The following PKHD1 variants were observed in gnomAD, a reference collection of about 807,000 sequenced individuals.
The protein encoded by PKHD1 is PKHD1 ciliary IPT domain containing fibrocystin/polyductin.
A neutral mutation model predicts 412.0 loss-of-function variants in PKHD1; 291 were observed. The ratio of observed to expected loss-of-function variants is 0.71; its 90% CI spans 0.64 to 0.78. PKHD1 has a LOEUF of 0.78. PKHD1 is among the 30% of genes least tolerant of loss of function. The pLI, the probability that PKHD1 is intolerant of heterozygous loss-of-function variation, is 0.00. For missense variants in PKHD1, 4,825 were observed against 4,950.7 expected (o/e 0.97, Z 0.76); for synonymous variants, 1,777 against 1,821.5 (o/e 0.98, Z 0.62).
At chr6:51,732,590 C>A (rs185636711) in intron 60 of PKHD1, among the ~76,000 whole-genome samples, 3 of 152,112 alleles carry the variant, frequency 2.0e-5, no homozygotes, top group Non-Finnish European at 2.9e-5. Flanking sequence ...AAAATTACAA[C>A]GACATATCAC....
chr6:51,699,937 G>GTGTGTGTGTGTGTGTA, intron 60 of PKHD1, among the ~76,000 whole-genome samples: 1 of 151,464 alleles, frequency 6.6e-6, no homozygotes, highest in East Asian at 1.9e-4. Flanking sequence ...GTGTGTGTGT[G>GTGTGTGTGTGTGTGTA]TGTGTGTGTG....
At chr6:51,911,636 T>C (rs1782949234) in intron 39 of PKHD1, among the ~76,000 whole-genome samples, 163 bp downstream of exon 39, 1 of 152,090 alleles carries the variant, frequency 6.6e-6, no homozygotes, top group Non-Finnish European at 1.5e-5. Flanking sequence ...GAGGATGAAA[T>C]GACAATCAAG....
intron 6 of PKHD1, among the ~76,000 whole-genome samples, chr6:52,074,061 T>TA (rs1321753632): frequency 6.6e-6 from 1 of 152,178 alleles, no homozygotes; most frequent in African/African-American, 2.4e-5. Flanking sequence ...GCCTTCCAAA[T>TA]AATTAGAATA....
At chr6:51,768,234 A>ACACGTGGACACAGGAAGGGGAATATCAC (rs1789471855) in intron 55 of PKHD1, among the ~76,000 whole-genome samples, 1 of 151,852 alleles carries the variant, frequency 6.6e-6, no homozygotes, top group Non-Finnish European at 1.5e-5. Context: ...TCAGATGAGT[A>ACACGTGGACACAGGAAGGGGAATATCAC]ATGTTTGGCT....
intron 53 of PKHD1, among the ~76,000 whole-genome samples, chr6:51,780,443 G>A (rs1317688493): frequency 1.3e-5 from 2 of 151,284 alleles, no homozygotes; most frequent in African/African-American, 4.9e-5. Context: ...AAAGACATTT[G>A]TACTACTTAT....
intron 52 of PKHD1, 59 bp downstream of exon 52, chr6:51,830,802 A>G (rs191509898): frequency 3.6e-4 from 543 of 1,496,006 alleles, no homozygotes; most frequent in Non-Finnish European, 4.9e-4. Flanking sequence ...AATGAAACAT[A>G]ATCAGATCTG....
intron 43 of PKHD1, among the ~76,000 whole-genome samples, chr6:51,898,194 A>C (rs1780477138): frequency 1.3e-5 from 2 of 152,258 alleles, no homozygotes; most frequent in African/African-American, 4.8e-5. Context: ...TCTCCACCTC[A>C]AATCAACAGA....
At chr6:51,737,864 G>A (rs1160487420) in intron 60 of PKHD1, among the ~76,000 whole-genome samples, 1 of 152,094 alleles carries the variant, frequency 6.6e-6, no homozygotes, top group African/African-American at 2.4e-5. Flanking sequence ...TTAGTAGCTA[G>A]TGTCCTGACC....
chr6:52,008,014 T>C (rs963068366), intron 35 of PKHD1, among the ~76,000 whole-genome samples: 2 of 152,182 alleles, frequency 1.3e-5, no homozygotes, highest in Admixed American at 6.5e-5. Flanking sequence ...CTGCTCCCAA[T>C]AGACTGTTCG....
rs377680767 is a variant in PKHD1 at position 52,035,704 on chromosome 6, T to A, written c.3115A>T (p.Ile1039Phe). Residue 1039 changes from isoleucine to phenylalanine, a missense_variant, in exon 28 of 67, where the codon ATC becomes TTC. Coordinates refer to ENST00000371117, the MANE Select transcript of PKHD1 (RefSeq NM_138694.4). Reference sequence around the variant, plus strand: ...ACACCTTCCAAACTAGAGCCTCGGATGGTGGCCCAGAGCCCTCCTGTAACA... The same window carrying A: ...ACACCTTCCAAACTAGAGCCTCGGAAGGTGGCCCAGAGCCCTCCTGTAACA... ...AADIGGLWAT[I>F]RGSSLEGVSL... 6.2e-7 allele frequency: 1 copy of A among 1,613,844 alleles called. No individual in the cohort carries two copies. Among genetic ancestry groups the A allele is most frequent in the African/African-American group, 1.3e-5 (1 of 74,910 alleles).
In PKHD1 at chr6:51,906,317, C is replaced by T. The variant is rs983338767; in HGVS notation, c.6706G>A (p.Val2236Met). 1.2e-6 allele frequency: 2 copies of T among 1,610,320 alleles called. No individual in the cohort carries two copies. Among genetic ancestry groups the T allele is most frequent in the Non-Finnish European group, 1.7e-6 (2 of 1,176,950 alleles). Residue 2236 changes from valine (V) to methionine (M), a missense_variant, in exon 41 of 67, where the codon GTG becomes ATG. Val to Met is a conservative substitution (Grantham distance 21). Transcript: ENST00000371117. ...MRESFIQGCT[V>M]RNSFSRGLSM... is the part of the protein sequence containing the mutation. The stretch of plus-strand genomic sequence containing the variant: ...AGGCCTCTACTGAAGGAGTTCCTCA[C>T]TGTGCAGCCCTGTATGAAAGACTCT...
At chr6:51,687,288 GA>G (rs76906066) in intron 60 of PKHD1, among the ~76,000 whole-genome samples, 6 of 150,380 alleles carry the variant, frequency 4.0e-5, no homozygotes, top group East Asian at 2.0e-4. Flanking sequence ...GATAAAAAAT[GA>G]AAAAAAAAGT....
chr6:52,050,218 C>G lies in PKHD1; in HGVS notation c.2218G>C (p.Val740Leu). The part of the protein sequence containing the change: ...ESVSVVGSPP[V>L]YSVTSWLAGC... ...GCCAGCCAGGAGGTGACACTGTAGA[C>G]CGGAGGGGATCCCACCACAGAGACT... The change falls in exon 22 of 67, where the codon GTC (valine) becomes CTC (leucine). Residue 740 changes from valine to leucine, a missense_variant. Transcript: ENST00000371117. 6.2e-7 allele frequency: 1 copy of G among 1,614,178 alleles called. No homozygotes were observed. Among genetic ancestry groups the G allele is most frequent in the Non-Finnish European group, 8.5e-7 (1 of 1,179,994 alleles).
At chr6:51,873,513 A>T (rs1776340740) in intron 46 of PKHD1, among the ~76,000 whole-genome samples, 1 of 152,218 alleles carries the variant, frequency 6.6e-6, no homozygotes, top group South Asian at 2.1e-4. Context: ...TTGTATACAT[A>T]TACATGGTTG....
chr6:51,969,410 A>ATT (rs200846367), intron 35 of PKHD1, among the ~76,000 whole-genome samples: 1 of 152,144 alleles, frequency 6.6e-6, no homozygotes, highest in Non-Finnish European at 1.5e-5. Context: ...TTTTTAAAAA[A>ATT]TTTTTTTAAT....
chr6:51,726,249 A>C (rs1474617351), intron 60 of PKHD1, among the ~76,000 whole-genome samples: 1 of 152,156 alleles, frequency 6.6e-6, no homozygotes, highest in African/African-American at 2.4e-5. Context: ...GGTTCCATTA[A>C]CTCAGGGGCA....
chr6:51,845,268 C>T (rs1234003758), intron 50 of PKHD1, among the ~76,000 whole-genome samples: 5 of 152,224 alleles, frequency 3.3e-5, no homozygotes, highest in Non-Finnish European at 7.3e-5. Flanking sequence ...TAAATTTACA[C>T]AACCCAGTAT....
chr6:51,882,204 CA>C (rs1777479317), intron 46 of PKHD1, among the ~76,000 whole-genome samples: 1 of 152,020 alleles, frequency 6.6e-6, no homozygotes, highest in South Asian at 2.1e-4. Flanking sequence ...TTGAAAACTA[CA>C]CAGTCTGAAA....
chr6:51,926,029 G>T (rs1023785165), intron 37 of PKHD1, among the ~76,000 whole-genome samples: 3 of 149,494 alleles, frequency 2.0e-5, no homozygotes, highest in Admixed American at 6.7e-5. Context: ...TCTTCTGGGA[G>T]AGGTAATAAA....
Sources: allele counts gnomAD v4.1 joint callset (sites outside exome capture counted in the v4.1 genomes callset), GRCh38; gene constraint gnomAD v4.1.1; transcripts MANE v1.5; gene names NCBI Gene and HGNC (gene_info 2026-07-23, HGNC 2026-07-21).